The following MYO5B variants were observed in gnomAD, a reference collection of about 807,000 sequenced individuals.
The protein encoded by MYO5B is unconventional myosin-Vb.
MYO5B carries 143 observed loss-of-function variants against 229.3 expected under a neutral mutation model. The observed-to-expected ratio is 0.62, with a 90% CI of 0.54 to 0.72. The LOEUF (loss-of-function observed/expected upper bound fraction) is 0.72. Ranked by LOEUF, MYO5B falls within the 30% of genes least tolerant of loss-of-function variation. The pLI is 0.00. For synonymous variants in MYO5B, 918 were observed against 885.2 expected, an observed-to-expected ratio of 1.04 and a Z score of -0.66; for missense variants, 2,321 against 2,331.0, an observed-to-expected ratio of 1.00 and a Z score of 0.09.
intron 1 of MYO5B, among the ~76,000 whole-genome samples, chr18:50,096,065 A>G (rs571456149): frequency 5.8e-4 from 88 of 152,272 alleles, no homozygotes; most frequent in African/African-American, 2.0e-3. Flanking sequence ...CTGTTCTGCC[A>G]TATCTCACCA....
At chr18:50,014,238 A>T (rs2026192176) in intron 4 of MYO5B, among the ~76,000 whole-genome samples, 1 of 150,928 alleles carries the variant, frequency 6.6e-6, no homozygotes, top group African/African-American at 2.4e-5. Flanking sequence ...ATGTCTACAT[A>T]AAAAAAGTCC....
intron 4 of MYO5B, among the ~76,000 whole-genome samples, chr18:50,021,595 C>T (rs1389502472): frequency 1.3e-5 from 2 of 152,028 alleles, no homozygotes; most frequent in African/African-American, 4.8e-5. Flanking sequence ...GGGTGTCACG[C>T]TCTGTCTGAT....
intron 1 of MYO5B, among the ~76,000 whole-genome samples, chr18:50,073,412 A>G (rs2144452883): frequency 6.6e-6 from 1 of 152,322 alleles, no homozygotes; most frequent in African/African-American, 2.4e-5. Context: ...AAGCATCGTG[A>G]GAAGCCAGAT....
intron 1 of MYO5B, among the ~76,000 whole-genome samples, chr18:50,183,301 T>C (rs2033098309): frequency 1.3e-5 from 1 of 75,136 alleles, no homozygotes; most frequent in South Asian, 5.5e-4. Flanking sequence ...TTTCCTCAAT[T>C]TTATCATATA....
intron 30 of MYO5B, among the ~76,000 whole-genome samples, chr18:49,854,553 T>G (rs1248853104): frequency 6.6e-6 from 1 of 152,254 alleles, no homozygotes; most frequent in Non-Finnish European, 1.5e-5. Context: ...GCAGCAGGCT[T>G]CATATGGAAG....
intron 3 of MYO5B, among the ~76,000 whole-genome samples, chr18:50,039,477 G>A (rs962843577): frequency 3.9e-5 from 6 of 151,922 alleles, no homozygotes; most frequent in South Asian, 4.2e-4. Context: ...GACTACAGGC[G>A]CCCGCCACCA....
In MYO5B at chr18:50,023,200, T is replaced by C. The variant is rs139903610; in HGVS notation, c.455+13650A>G. ...GACAGTAAAGACATCTTTCATTAGT[T>C]CTAAGAACATTGCGTCATCAGCCCA... is the stretch of plus-strand genomic sequence containing the variant. On this transcript the variant is annotated intron_variant, in intron 4 of 39. Transcript: ENST00000285039. Among the ~76,000 whole-genome samples the C allele has an allele frequency of 2.8e-4, 42 of 151,662 alleles. No homozygotes were observed. In the East Asian group the frequency reaches 6.9e-3, roughly 25 times the overall value.
intron 3 of MYO5B, 92 bp downstream of exon 3, chr18:50,040,051 T>G: frequency 1.5e-6 from 2 of 1,357,524 alleles, no homozygotes; most frequent in Non-Finnish European, 1.1e-6. Context: ...AATGAGAGAG[T>G]GAAATGAGGA....
At chr18:50,003,574 G>A (rs1352960475) in intron 4 of MYO5B, among the ~76,000 whole-genome samples, 1 of 152,168 alleles carries the variant, frequency 6.6e-6, no homozygotes, top group African/African-American at 2.4e-5. Context: ...CAAGTCCTTA[G>A]AGAACTGCTC....
intron 21 of MYO5B, among the ~76,000 whole-genome samples, chr18:49,898,005 T>C (rs1356207586): frequency 1.1e-4 from 17 of 152,206 alleles, no homozygotes; most frequent in Non-Finnish European, 1.5e-5. Flanking sequence ...TACGTTTAGA[T>C]ACACAAATAT....
chr18:49,836,880 TTG>T lies in MYO5B; in HGVS notation c.5142_5143del (p.Tyr1714Ter), dbSNP rs763078498. The T allele has an allele frequency of 6.2e-7, 1 of 1,614,006 alleles. No homozygotes were observed. The highest frequency in any genetic ancestry group is 1.3e-5 in the African/African-American group (1 of 75,050). ...AAGCCACTCCTCAAGCTGACTTATATTGTACCTTAGCCATAGGTAGAAAGCAA... is the reference window on the plus strand; with the variant it reads ...AAGCCACTCCTCAAGCTGACTTATATTACCTTAGCCATAGGTAGAAAGCAA... On this transcript the variant is annotated stop_gained and frameshift_variant, in exon 38 of 40. Coordinates refer to ENST00000285039, the MANE Select transcript of MYO5B (RefSeq NM_001080467.3). LOFTEE classifies it high-confidence loss of function.
Position 50,099,753 on chromosome 18 carries a change from G to A in MYO5B, c.28-44375C>T, listed in dbSNP as rs944570277. On this transcript the variant is annotated intron_variant, in intron 1 of 39. Transcript: ENST00000285039. ...TTTACATGAATTTGCAGAATAGTTA[G>A]CTGAGAAATACACGGTATCTTGTAC... Among the ~76,000 whole-genome samples, 7 of 152,182 alleles carry A rather than the reference G, an allele frequency of 4.6e-5. No homozygotes were observed. In the South Asian group the frequency reaches 1.4e-3, roughly 32 times the overall value.
intron 1 of MYO5B, among the ~76,000 whole-genome samples, chr18:50,189,880 A>G (rs2033204065): frequency 6.6e-6 from 1 of 152,132 alleles, no homozygotes. Context: ...CAGAAGATCT[A>G]TTTTTCAAAT....
chr18:49,897,078 G>A (rs2144134619), intron 21 of MYO5B, among the ~76,000 whole-genome samples: 1 of 152,294 alleles, frequency 6.6e-6, no homozygotes, highest in South Asian at 2.1e-4. Flanking sequence ...GCTGTCTGGG[G>A]TGTGGGTGGG....
chr18:49,853,422 T>C, intron 31 of MYO5B, 27 bp downstream of exon 31: 1 of 1,613,356 alleles, frequency 6.2e-7, no homozygotes, highest in Non-Finnish European at 8.5e-7. Context: ...TTCCCAAAGC[T>C]GGGGTCCACT....
chr18:49,844,340 C>A (rs2024099418), intron 33 of MYO5B, among the ~76,000 whole-genome samples: 1 of 152,194 alleles, frequency 6.6e-6, no homozygotes, highest in Admixed American at 6.5e-5. Context: ...AGCACAAGGC[C>A]CCAGGGGTCT....
intron 33 of MYO5B, among the ~76,000 whole-genome samples, chr18:49,845,487 G>C (rs1170045333): frequency 6.6e-6 from 1 of 152,160 alleles, no homozygotes; most frequent in Non-Finnish European, 1.5e-5. Context: ...CCTCTTATTT[G>C]AACTTCAAAT....
intron 10 of MYO5B, among the ~76,000 whole-genome samples, chr18:49,967,778 C>T (rs530863311): frequency 2.6e-5 from 4 of 152,216 alleles, no homozygotes; most frequent in East Asian, 3.9e-4. Context: ...TGAACAACCT[C>T]GGGATGCTGG....
chr18:49,975,246 C>T (rs2025737571), intron 9 of MYO5B, among the ~76,000 whole-genome samples: 1 of 152,184 alleles, frequency 6.6e-6, no homozygotes, highest in Admixed American at 6.5e-5. Context: ...ATGGGCCCTT[C>T]GAAGGCACTA....
Sources: allele counts gnomAD v4.1 joint callset (sites outside exome capture counted in the v4.1 genomes callset), GRCh38; gene constraint gnomAD v4.1.1; transcripts MANE v1.5; gene names NCBI Gene and HGNC (gene_info 2026-07-23, HGNC 2026-07-21).